Variants in ZFHX3 observed in about 807,000 individuals in gnomAD.
The protein encoded by ZFHX3 is zinc finger homeobox 3.
Under a neutral mutation model 279.1 loss-of-function variants are expected in ZFHX3, and 42 were observed. The ratio of observed to expected loss-of-function variants is 0.15; its 90% CI spans 0.12 to 0.19. The LOEUF (loss-of-function observed/expected upper bound fraction) is 0.19. Among genes scored for constraint, ZFHX3 ranks in the 10% least tolerant of loss-of-function variants. The pLI is 1.00. For missense variants in ZFHX3, 4,981 were observed against 4,754.0 expected (o/e 1.05, Z -1.40); for synonymous variants, 2,293 against 1,957.8 (o/e 1.17, Z -4.52).
At chr16:73,808,496 T>C (rs183133590) in intron 1 of ZFHX3, 60 of 152,320 alleles carry the variant, frequency 3.9e-4, no homozygotes, top group African/African-American at 1.4e-3. Flanking sequence ...GTTGGATACA[T>C]GAATACAAGG....
At chr16:73,313,725 A>T (rs570090134) in intron 4 of ZFHX3, among the ~76,000 whole-genome samples, 1 of 152,364 alleles carries the variant, frequency 6.6e-6, no homozygotes, top group East Asian at 1.9e-4. Context: ...ACTATGTGTC[A>T]GGCAAACACA....
chr16:73,514,119 G>A (rs898676409), intron 2 of ZFHX3, among the ~76,000 whole-genome samples: 3 of 152,000 alleles, frequency 2.0e-5, no homozygotes, highest in African/African-American at 4.8e-5. Context: ...ATGGTGGCAC[G>A]CACCTGTAGT....
At chr16:72,897,585 T>G (rs1298604229) in intron 3 of ZFHX3, among the ~76,000 whole-genome samples, 1 of 151,932 alleles carries the variant, frequency 6.6e-6, no homozygotes, top group African/African-American at 2.4e-5. Flanking sequence ...GGACTATAGG[T>G]GCGTGCCATC....
intron 3 of ZFHX3, among the ~76,000 whole-genome samples, chr16:72,922,495 A>G (rs2039609087): frequency 6.6e-6 from 1 of 152,146 alleles, no homozygotes; most frequent in South Asian, 2.1e-4. Context: ...TACCTCTAGC[A>G]CAGACAGAAA....
chr16:73,220,104 A>AAAAAAG (rs1401634671), intron 5 of ZFHX3, among the ~76,000 whole-genome samples: 5 of 150,562 alleles, frequency 3.3e-5, no homozygotes, highest in Admixed American at 1.3e-4. Context: ...AAAAAATTAA[A>AAAAAAG]AAAAAGAAAA....
At chr16:73,679,839 G>C (rs2142193736) in intron 2 of ZFHX3, 1 of 152,112 alleles carries the variant, frequency 6.6e-6, no homozygotes, top group East Asian at 1.9e-4. Context: ...ACCTCCCGTA[G>C]CAATCGTTCT....
chr16:73,468,819 T>G (rs2018615166), intron 2 of ZFHX3, among the ~76,000 whole-genome samples: 1 of 152,194 alleles, frequency 6.6e-6, no homozygotes, highest in South Asian at 2.1e-4. Flanking sequence ...CTCCCTAGAA[T>G]GCTCCAATCA....
In ZFHX3 at chr16:73,526,368, C is replaced by A. The variant is rs182563147; in HGVS notation, c.-1546-70110G>T. On this transcript the variant is annotated intron_variant, in intron 2 of 17. Coordinates refer to the ZFHX3 transcript ENST00000641206. ...CAGAAGCTCCAGAAAATAAATGTTACAGAGAAAGGAGGGGCCAAGTCTTGA... is the reference window on the plus strand; with the variant it reads ...CAGAAGCTCCAGAAAATAAATGTTAAAGAGAAAGGAGGGGCCAAGTCTTGA... 1.7e-4 allele frequency among the ~76,000 whole-genome samples: 26 copies of A among 152,332 alleles called. No homozygotes were observed. In the East Asian group the frequency reaches 4.6e-3, roughly 27 times the overall value.
At chr16:73,591,927 C>T (rs111918195) in intron 2 of ZFHX3, among the ~76,000 whole-genome samples, 90 of 151,698 alleles carry the variant, frequency 5.9e-4, no homozygotes, top group African/African-American at 2.1e-3. Context: ...GTTGGTGTGG[C>T]TATATTTTGT....
intron 2 of ZFHX3, among the ~76,000 whole-genome samples, chr16:73,463,610 T>C (rs1597345015): frequency 1.3e-5 from 2 of 152,236 alleles, no homozygotes; most frequent in East Asian, 3.8e-4. Flanking sequence ...ATGTTTCCTC[T>C]GGACTTTTTC....
At chr16:72,838,363 C>T (rs963861612) in intron 4 of ZFHX3, among the ~76,000 whole-genome samples, 3 of 152,026 alleles carry the variant, frequency 2.0e-5, no homozygotes, top group East Asian at 1.9e-4. Context: ...GCTGCGTGTT[C>T]GGCCCCTGCT....
At chr16:73,391,327 C>T (rs187083914) in intron 3 of ZFHX3, among the ~76,000 whole-genome samples, 6 of 152,032 alleles carry the variant, frequency 3.9e-5, no homozygotes, top group Non-Finnish European at 7.4e-5. Flanking sequence ...TGGTGATGGA[C>T]ACCTGTAATC....
At chr16:73,553,838 G>A (rs1486042684) in intron 2 of ZFHX3, among the ~76,000 whole-genome samples, 1 of 152,164 alleles carries the variant, frequency 6.6e-6, no homozygotes, top group African/African-American at 2.4e-5. Context: ...CCCACCTAGG[G>A]GGTCTAAGGA....
intron 1 of ZFHX3, among the ~76,000 whole-genome samples, chr16:73,023,062 T>C (rs1309707290): frequency 1.3e-5 from 2 of 152,064 alleles, no homozygotes; most frequent in East Asian, 3.9e-4. Context: ...ACCCCATCTC[T>C]ACTAAAAATA....
At chr16:72,789,373 C>A (rs1260829911) in intron 9 of ZFHX3, 1 of 152,702 alleles carries the variant, frequency 6.5e-6, no homozygotes, top group Non-Finnish European at 1.5e-5. Flanking sequence ...CTCTGCCCAA[C>A]TGCAATTAGT....
chr16:73,565,371 G>C (rs571274522), intron 2 of ZFHX3, among the ~76,000 whole-genome samples: 64 of 152,112 alleles, frequency 4.2e-4, no homozygotes, highest in Non-Finnish European at 8.5e-4. Context: ...ATGGCATCAG[G>C]AAGAAAACCC....
intron 1 of ZFHX3, among the ~76,000 whole-genome samples, chr16:73,835,007 A>G (rs1961100911): frequency 6.6e-6 from 1 of 152,234 alleles, no homozygotes; most frequent in African/African-American, 2.4e-5. Flanking sequence ...GACTTGAAGG[A>G]GGAGAGCGAT....
chr16:73,817,977 G>A (rs182896351), intron 1 of ZFHX3, among the ~76,000 whole-genome samples: 4 of 152,186 alleles, frequency 2.6e-5, no homozygotes, highest in East Asian at 3.9e-4. Context: ...CCAAGTGTAC[G>A]AAAGTTAAAA....
chr16:73,062,159 A>G (rs1257240505), upstream of ZFHX3: 2 of 152,196 alleles, frequency 1.3e-5, no homozygotes, highest in African/African-American at 2.4e-5. Flanking sequence ...ATTTTAGACC[A>G]ACCTGTTTTT....
Sources: gnomAD v4.1 joint callset for allele counts (sites outside exome capture counted in the v4.1 genomes callset) on GRCh38, gnomAD v4.1.1 for gene constraint, MANE v1.5 for transcripts, NCBI Gene and HGNC (gene_info 2026-07-23, HGNC 2026-07-21) for gene names.